Variants in TTLL5 observed in about 807,000 individuals in gnomAD.
TTLL5 encodes tubulin polyglutamylase TTLL5.
A neutral mutation model predicts 168.4 loss-of-function variants in TTLL5; 132 were observed. The observed-to-expected ratio is 0.78, with a 90% CI of 0.68 to 0.91. The LOEUF (loss-of-function observed/expected upper bound fraction) is 0.91, where lower values mean the gene tolerates loss of function less well. Ranked by LOEUF, TTLL5 falls within the 40% of genes least tolerant of loss-of-function variation. TTLL5 has a pLI of 0.00. For missense variants in TTLL5, 1,545 were observed against 1,581.5 expected (o/e 0.98, Z 0.39); for synonymous variants, 546 against 558.6 (o/e 0.98, Z 0.32).
At chr14:75,815,481 A>G (rs752883832) in intron 27 of TTLL5, among the ~76,000 whole-genome samples, 20 of 152,238 alleles carry the variant, frequency 1.3e-4, no homozygotes, top group Non-Finnish European at 1.9e-4. Context: ...TAACCCTCCA[A>G]TAATCCAAAA....
intron 31 of TTLL5, among the ~76,000 whole-genome samples, chr14:75,938,328 G>A (rs533748369): frequency 7.9e-5 from 12 of 152,194 alleles, no homozygotes; most frequent in Admixed American, 4.6e-4. Flanking sequence ...CCAAGGAAAC[G>A]AGTTTAAGGA....
chr14:75,832,221 C>T (rs1895609161), intron 28 of TTLL5, among the ~76,000 whole-genome samples: 1 of 152,200 alleles, frequency 6.6e-6, no homozygotes, highest in Non-Finnish European at 1.5e-5. Flanking sequence ...AATGATTGCA[C>T]TTGCAGCTGC....
At chr14:75,788,658 A>C (rs1416482372) in intron 26 of TTLL5, among the ~76,000 whole-genome samples, 1 of 152,200 alleles carries the variant, frequency 6.6e-6, no homozygotes, top group Non-Finnish European at 1.5e-5. Flanking sequence ...TTTATGGGTA[A>C]GTTCTAATCT....
intron 4 of TTLL5, among the ~76,000 whole-genome samples, 153 bp downstream of exon 4, chr14:75,681,780 C>T (rs758473802): frequency 5.9e-5 from 9 of 152,014 alleles, no homozygotes; most frequent in Non-Finnish European, 1.0e-4. Flanking sequence ...TTTGGAGTGG[C>T]TTTACCAGTT....
At chr14:75,863,925 A>AAAAAAAAAAAAAAC in intron 29 of TTLL5, 63 bp downstream of exon 29, 1 of 1,332,632 alleles carries the variant, frequency 7.5e-7, no homozygotes, top group Non-Finnish European at 9.9e-7. Flanking sequence ...AAAAAAAAAA[A>AAAAAAAAAAAAAAC]AAAAAAAAAG....
intron 9 of TTLL5, among the ~76,000 whole-genome samples, chr14:75,714,205 A>G (rs913263874): frequency 6.6e-6 from 1 of 152,126 alleles, no homozygotes; most frequent in Admixed American, 6.5e-5. Flanking sequence ...AAGTGATACT[A>G]ATTCTTGTCA....
intron 31 of TTLL5, among the ~76,000 whole-genome samples, chr14:75,902,769 G>A (rs1316653512): frequency 6.6e-6 from 1 of 152,228 alleles, no homozygotes; most frequent in East Asian, 1.9e-4. Flanking sequence ...GTTAGGCAGT[G>A]TTGGTCCAGA....
intron 27 of TTLL5, chr14:75,818,632 T>G (rs1467040045): frequency 5.1e-6 from 1 of 194,244 alleles, no homozygotes; most frequent in Non-Finnish European, 1.0e-5. Flanking sequence ...GGACTACAGG[T>G]GCCTGCCACC....
intron 7 of TTLL5, among the ~76,000 whole-genome samples, chr14:75,702,284 C>A (rs1200423309): frequency 6.6e-6 from 1 of 152,230 alleles, no homozygotes; most frequent in African/African-American, 2.4e-5. Flanking sequence ...TCTGTCTCCT[C>A]TTGTCTCTGC....
chr14:75,693,892 G>A (rs1261533247), intron 6 of TTLL5, among the ~76,000 whole-genome samples: 1 of 152,188 alleles, frequency 6.6e-6, no homozygotes, highest in Non-Finnish European at 1.5e-5. Context: ...TACGATTTTA[G>A]AATTATAAGA....
intron 15 of TTLL5, 112 bp from the exon 16 acceptor site, chr14:75,744,983 G>C: frequency 1.2e-6 from 1 of 867,146 alleles, no homozygotes; most frequent in Non-Finnish European, 1.7e-6. Flanking sequence ...CTATGAATTT[G>C]AGCTTATAAA....
chr14:75,756,998 A>G (rs1368915949), intron 18 of TTLL5, among the ~76,000 whole-genome samples: 1 of 150,128 alleles, frequency 6.7e-6, no homozygotes, highest in African/African-American at 2.5e-5. Context: ...GTTTTTTTTG[A>G]GAGGAGTCTC....
chr14:75,707,560 A>T, intron 8 of TTLL5, 63 bp from the exon 9 acceptor site: 1 of 1,464,030 alleles, frequency 6.8e-7, no homozygotes, highest in Non-Finnish European at 9.4e-7. Flanking sequence ...TTCGTTGTTT[A>T]TTCTGTAACA....
intron 17 of TTLL5, 121 bp downstream of exon 17, chr14:75,745,702 A>G: frequency 1.3e-6 from 1 of 743,936 alleles, no homozygotes; most frequent in Non-Finnish European, 2.2e-6. Context: ...TATTTATAAT[A>G]TGATAAATAT....
intron 31 of TTLL5, among the ~76,000 whole-genome samples, chr14:75,938,955 A>G (rs2019207): frequency 0.8 from 122,310 of 152,164 alleles, 49,356 homozygotes; most frequent in African/African-American, 0.87. Flanking sequence ...GTGACCTAGC[A>G]GTGGGTCATC....
rs1201985101 is a variant in TTLL5 at position 75,715,264 on chromosome 14, C to CTT, written c.741-2576_741-2575dup. ...ACTTCCCACCCTACTCACCATCTTC[C>CTT]TTTTTTTTTTTTTTTTTTTTTTGTA... On this transcript the variant is annotated intron_variant, in intron 9 of 31. Transcript: ENST00000298832. Among the ~76,000 whole-genome samples the CTT allele has an allele frequency of 2.0e-3, 262 of 130,932 alleles. 1 individual carries two copies. The highest frequency in any genetic ancestry group is 5.4e-3 in the African/African-American group (185 of 34,524). The allele number at this position is 130,932 out of a possible 152,430, so 85.9% of individuals were successfully genotyped here. A position where few individuals can be genotyped will look rare whatever the true frequency, so the allele number is the denominator to read the frequency against.
rs755743847 is a variant in TTLL5, at chr14:75,776,801, G to A, written c.2338G>A (p.Glu780Lys). The change falls in exon 23 of 32, where the codon GAA becomes AAA. Residue 780 changes from glutamate to lysine, a missense_variant. Physicochemically the swap from Glu to Lys is moderately conservative, Grantham distance 56. Coordinates refer to ENST00000298832, the MANE Select transcript of TTLL5 (RefSeq NM_015072.5). ...AAAGAAGAAAGTTGAGGAAGAAGAG[G>A]AAGATGGGGTGAATATGGAAAACTT... is the stretch of plus-strand genomic sequence containing the variant. ...KSKKKVEEEE[E>K]DGVNMENFQE... The A allele has an allele frequency of 6.2e-7, 1 of 1,613,968 alleles. No individual in the cohort carries two copies. The highest frequency in any genetic ancestry group is 8.5e-7 in the Non-Finnish European group (1 of 1,179,922).
chr14:75,774,193 A>G (rs1891572763), intron 21 of TTLL5, among the ~76,000 whole-genome samples: 1 of 152,116 alleles, frequency 6.6e-6, no homozygotes, highest in Non-Finnish European at 1.5e-5. Flanking sequence ...TTTTTGGACA[A>G]CAACATCTTT....
At position 75,772,811 on chromosome 14, in the gene TTLL5, GCACCCACCACCAAGC is replaced by G. The variant is rs570582205; in HGVS notation, c.2136+959_2136+973del. Reference sequence around the variant, plus strand: ...GCCTCCCAAGTAGCTGTGATTACAGGCACCCACCACCAAGCCTAGCTAATTTTGTATTTTAAGTAG... The same window carrying G: ...GCCTCCCAAGTAGCTGTGATTACAGGCTAGCTAATTTTGTATTTTAAGTAG... On this transcript the variant is annotated intron_variant, in intron 21 of 31. Coordinates refer to ENST00000298832, the MANE Select transcript of TTLL5 (RefSeq NM_015072.5). Among the ~76,000 whole-genome samples the G allele has an allele frequency of 3.3e-5, 5 of 152,108 alleles. No individual in the cohort carries two copies. In the South Asian group the frequency reaches 1.0e-3, roughly 32 times the overall value.
Sources: gnomAD v4.1 joint callset for allele counts (sites outside exome capture counted in the v4.1 genomes callset) on GRCh38, gnomAD v4.1.1 for gene constraint, MANE v1.5 for transcripts, NCBI Gene and HGNC (gene_info 2026-07-23, HGNC 2026-07-21) for gene names.